SUN1: variants seen among roughly 807,000 people sequenced by gnomAD.
SUN1 encodes the protein SUN domain-containing protein 1.
In SUN1, 61 loss-of-function variants were observed where a neutral mutation model predicts 103.2. The ratio of observed to expected loss-of-function variants is 0.59; its 90% CI spans 0.48 to 0.73. The LOEUF is 0.73. Ranked by LOEUF, SUN1 falls within the 30% of genes least tolerant of loss-of-function variation. SUN1 has a pLI of 0.00. For missense variants in SUN1, 1,052 were observed against 1,034.6 expected (o/e 1.02, Z -0.23); for synonymous variants, 490 against 425.7 (o/e 1.15, Z -1.86).
intron 1 of SUN1, among the ~76,000 whole-genome samples, chr7:825,983 G>A (rs1053581645): frequency 5.3e-5 from 8 of 151,892 alleles, no homozygotes; most frequent in Non-Finnish European, 7.4e-5. Context: ...TAGCTCACAC[G>A]TGTAATCCCA....
intron 7 of SUN1, 139 bp from the exon 8 acceptor site, chr7:852,470 G>C: frequency 1.0e-6 from 1 of 954,918 alleles, no homozygotes; most frequent in Middle Eastern, 2.6e-4. Context: ...GGCATCAGAA[G>C]CCTTGTAGAT....
At chr7:822,496 T>C (rs1787189151) in intron 1 of SUN1, among the ~76,000 whole-genome samples, 1 of 152,226 alleles carries the variant, frequency 6.6e-6, no homozygotes, top group Non-Finnish European at 1.5e-5. Flanking sequence ...CCCTCGGGCA[T>C]GTGTAGTTTG....
intron 14 of SUN1, 39 bp downstream of exon 14, chr7:860,421 C>T: frequency 6.2e-7 from 1 of 1,602,294 alleles, no homozygotes; most frequent in Non-Finnish European, 8.5e-7. Flanking sequence ...GCTTACAGTC[C>T]ATTCTGTGCT....
chr7:843,062 AT>A (rs1811713592), intron 3 of SUN1, 143 bp from the exon 4 acceptor site: 1 of 1,208,660 alleles, frequency 8.3e-7, no homozygotes, highest in Non-Finnish European at 1.2e-6. Context: ...ATCTGGAGGC[AT>A]TTTAGGAAAT....
At chr7:831,945 TA>T, upstream of SUN1, 2 of 699,186 alleles carry the variant, frequency 2.9e-6, no homozygotes, top group Non-Finnish European at 3.5e-6. Context: ...CTTTCTAACC[TA>T]AAAAATATCC....
chr7:848,320 A>G (rs1203993162), intron 5 of SUN1: 11 of 1,088,098 alleles, frequency 1.0e-5, no homozygotes, highest in African/African-American at 1.7e-5. Context: ...TGTCCATTCT[A>G]AAAGTGCCTG....
intron 1 of SUN1, among the ~76,000 whole-genome samples, chr7:837,463 A>G (rs1804571390): frequency 2.0e-5 from 3 of 152,138 alleles, no homozygotes; most frequent in African/African-American, 7.2e-5. Flanking sequence ...TTTTGATACA[A>G]AGTACATCTA....
intron 12 of SUN1, among the ~76,000 whole-genome samples, chr7:856,949 G>C (rs1160959355): frequency 6.6e-6 from 1 of 152,156 alleles, no homozygotes; most frequent in Admixed American, 6.5e-5. Context: ...TGCCGCCCTT[G>C]GAATCCATGG....
At chr7:838,440 G>A (rs1297496907) in intron 1 of SUN1, among the ~76,000 whole-genome samples, 1 of 152,224 alleles carries the variant, frequency 6.6e-6, no homozygotes, top group Non-Finnish European at 1.5e-5. Flanking sequence ...CGTCCGCGTA[G>A]TGTTGACGAG....
At chr7:857,156 C>G (rs1435031017) in intron 12 of SUN1, among the ~76,000 whole-genome samples, 2 of 152,178 alleles carry the variant, frequency 1.3e-5, no homozygotes, top group Non-Finnish European at 2.9e-5. Flanking sequence ...ACAGCCCTCC[C>G]CGCCTGTAGA....
At chr7:817,376 C>T (rs925913192) in intron 1 of SUN1, 5 of 1,528,602 alleles carry the variant, frequency 3.3e-6, no homozygotes, top group Non-Finnish European at 4.4e-6. Context: ...TCTCCGCGCC[C>T]TGTTGCGCCT....
At chr7:847,864 C>G (rs1433193132) in intron 5 of SUN1, among the ~76,000 whole-genome samples, 1 of 145,716 alleles carries the variant, frequency 6.9e-6, no homozygotes, top group Non-Finnish European at 1.5e-5. Flanking sequence ...AGTTGGCGGC[C>G]TTCCCCTGGG....
intron 11 of SUN1, among the ~76,000 whole-genome samples, chr7:855,627 T>G (rs1826401668): frequency 6.6e-6 from 1 of 152,216 alleles, no homozygotes; most frequent in East Asian, 1.9e-4. Context: ...TTGGGAATCT[T>G]GGGACCCACT....
intron 1 of SUN1, among the ~76,000 whole-genome samples, chr7:824,555 G>A (rs746029011): frequency 1.3e-5 from 2 of 152,216 alleles, no homozygotes; most frequent in Non-Finnish European, 2.9e-5. Flanking sequence ...TTGGGCTTTT[G>A]CTGAAACACT....
At chr7:868,218 G>T (rs548777495) in intron 16 of SUN1, among the ~76,000 whole-genome samples, 4 of 152,254 alleles carry the variant, frequency 2.6e-5, no homozygotes, top group Admixed American at 1.3e-4. Context: ...CCTCCGTTGC[G>T]CACAGCAACG....
chr7:843,182 GT>G, intron 3 of SUN1, 23 bp from the exon 4 acceptor site: 1 of 1,588,320 alleles, frequency 6.3e-7, no homozygotes. Flanking sequence ...AAAAATGTGT[GT>G]GTGTGTGTGT....
intron 15 of SUN1, among the ~76,000 whole-genome samples, chr7:862,980 A>G (rs1448655733): frequency 6.6e-6 from 1 of 152,096 alleles, no homozygotes; most frequent in Non-Finnish European, 1.5e-5. Context: ...TTCTCTACTA[A>G]AAATACAAAA....
chr7:869,063 G>A (rs1839525182), intron 16 of SUN1: 1 of 408,466 alleles, frequency 2.4e-6, no homozygotes, highest in South Asian at 2.3e-5. Flanking sequence ...CACGACCAAG[G>A]ACCATTGACC....
intron 1 of SUN1, among the ~76,000 whole-genome samples, chr7:826,590 T>A (rs1432493455): frequency 1.3e-5 from 2 of 152,154 alleles, no homozygotes; most frequent in Non-Finnish European, 2.9e-5. Context: ...GGATCAGTGA[T>A]AGACTGACAG....
Sources: allele counts gnomAD v4.1 joint callset (sites outside exome capture counted in the v4.1 genomes callset), GRCh38; gene constraint gnomAD v4.1.1; transcripts MANE v1.5; gene names NCBI Gene and HGNC (gene_info 2026-07-23, HGNC 2026-07-21).